ARHGAP24: variants seen among roughly 807,000 people sequenced by gnomAD.
ARHGAP24 encodes rho GTPase-activating protein 24.
ARHGAP24 carries 50 observed loss-of-function variants against 76.4 expected under a neutral mutation model. That is an observed-to-expected ratio of 0.65 (90% CI 0.52 to 0.83). The LOEUF (loss-of-function observed/expected upper bound fraction) is 0.83. Ranked by LOEUF, ARHGAP24 falls within the 40% of genes least tolerant of loss-of-function variation. ARHGAP24 has a pLI of 0.00. For missense variants in ARHGAP24, 930 were observed against 914.2 expected (o/e 1.02, Z -0.22); for synonymous variants, 345 against 323.3 (o/e 1.07, Z -0.72).
chr4:85,689,608 C>T (rs1031312944), intron 2 of ARHGAP24, among the ~76,000 whole-genome samples: 1 of 152,090 alleles, frequency 6.6e-6, no homozygotes, highest in African/African-American at 2.4e-5. Context: ...AGGCTAGTCT[C>T]GAACTTCTGA....
In ARHGAP24 at chr4:85,537,222, C is replaced by T. The variant is rs542105849; in HGVS notation, c.-20-33300C>T. On this transcript the variant is annotated intron_variant, in intron 1 of 9. Transcript: ENST00000395184. ...GGCTGTACACGAAGGAATTATAAGACACGATTCTTGACCTTGAGAGGTTTT... is the reference window on the plus strand; with the variant it reads ...GGCTGTACACGAAGGAATTATAAGATACGATTCTTGACCTTGAGAGGTTTT... Among the ~76,000 whole-genome samples the T allele has an allele frequency of 7.9e-5, 12 of 152,234 alleles. No individual in the cohort carries two copies. In the South Asian group the frequency reaches 2.5e-3, roughly 32 times the overall value.
intron 3 of ARHGAP24, among the ~76,000 whole-genome samples, chr4:85,803,524 C>A (rs372734734): frequency 1.3e-5 from 2 of 152,144 alleles, no homozygotes; most frequent in Admixed American, 6.5e-5. Flanking sequence ...TTTTGCTATT[C>A]CTTTCTTTAA....
intron 2 of ARHGAP24, among the ~76,000 whole-genome samples, chr4:85,694,331 G>C (rs1276745814): frequency 6.6e-6 from 1 of 151,878 alleles, no homozygotes; most frequent in Non-Finnish European, 1.5e-5. Context: ...TCAGCTAGGT[G>C]GTGCCGGAAG....
intron 2 of ARHGAP24, among the ~76,000 whole-genome samples, chr4:85,641,136 A>C (rs1346781620): frequency 6.6e-6 from 1 of 152,100 alleles, no homozygotes; most frequent in East Asian, 1.9e-4. Context: ...TCACGCTATC[A>C]CTCAGGCTAG....
At chr4:85,690,830 A>G (rs913137555) in intron 2 of ARHGAP24, among the ~76,000 whole-genome samples, 2 of 149,602 alleles carry the variant, frequency 1.3e-5, no homozygotes, top group African/African-American at 2.5e-5. Flanking sequence ...TTGCATCTCA[A>G]TTTTGCTCAG....
At chr4:85,975,021 T>C (rs1176816508) in intron 7 of ARHGAP24, 60 bp downstream of exon 7, 3 of 1,474,534 alleles carry the variant, frequency 2.0e-6, no homozygotes, top group Admixed American at 3.3e-5. Flanking sequence ...CTGATACTAA[T>C]TTGTGTTTGA....
intron 3 of ARHGAP24, among the ~76,000 whole-genome samples, chr4:85,915,594 C>A (rs1218158689): frequency 2.0e-5 from 3 of 151,958 alleles, no homozygotes; most frequent in Non-Finnish European, 4.4e-5. Context: ...CAATAAGCCC[C>A]AGTGTGTGAT....
intron 8 of ARHGAP24, among the ~76,000 whole-genome samples, chr4:85,986,867 C>G (rs1185302231): frequency 6.6e-6 from 1 of 151,960 alleles, no homozygotes; most frequent in Non-Finnish European, 1.5e-5. Flanking sequence ...AAGGTATTAC[C>G]TTAGTGCTAA....
intron 2 of ARHGAP24, among the ~76,000 whole-genome samples, chr4:85,587,068 TA>T (rs1727890700): frequency 2.0e-5 from 3 of 152,126 alleles, no homozygotes; most frequent in Admixed American, 1.3e-4. Context: ...CTCAAAATGG[TA>T]GATTGATGAA....
chr4:85,737,250 A>T (rs1725639960), intron 3 of ARHGAP24, among the ~76,000 whole-genome samples: 1 of 152,116 alleles, frequency 6.6e-6, no homozygotes, highest in Admixed American at 6.5e-5. Flanking sequence ...CAAATGTAAA[A>T]TTCACCCATT....
chr4:85,815,416 GC>G (rs1729195697), intron 3 of ARHGAP24, among the ~76,000 whole-genome samples: 1 of 152,136 alleles, frequency 6.6e-6, no homozygotes, highest in Admixed American at 6.5e-5. Flanking sequence ...CCTCTTGAAT[GC>G]TTTGCTGCTT....
At chr4:85,636,148 C>T (rs1055883902) in intron 2 of ARHGAP24, among the ~76,000 whole-genome samples, 5 of 151,822 alleles carry the variant, frequency 3.3e-5, no homozygotes, top group African/African-American at 1.2e-4. Flanking sequence ...GACCTTCACT[C>T]TTCCTTCTTT....
chr4:85,951,584 G>C (rs1737619767), intron 5 of ARHGAP24, among the ~76,000 whole-genome samples: 1 of 152,066 alleles, frequency 6.6e-6, no homozygotes, highest in Non-Finnish European at 1.5e-5. Flanking sequence ...GGATCCGTTT[G>C]GGGTCCATAG....
chr4:85,919,172 C>G (rs542354351), intron 3 of ARHGAP24, among the ~76,000 whole-genome samples: 1 of 152,192 alleles, frequency 6.6e-6, no homozygotes, highest in South Asian at 2.1e-4. Context: ...ATTTTTTATT[C>G]GAAATGGTTA....
chr4:85,525,098 T>C (rs1724928016), intron 1 of ARHGAP24, among the ~76,000 whole-genome samples: 1 of 152,146 alleles, frequency 6.6e-6, no homozygotes, highest in Non-Finnish European at 1.5e-5. Context: ...GGGTTTCATC[T>C]GCATCTATAT....
At chr4:85,861,451 C>T (rs913647374) in intron 3 of ARHGAP24, among the ~76,000 whole-genome samples, 2 of 152,048 alleles carry the variant, frequency 1.3e-5, no homozygotes, top group East Asian at 3.9e-4. Context: ...ACTTCTTTGG[C>T]CCAGCAATCT....
At chr4:85,705,769 G>A (rs1335337021) in intron 2 of ARHGAP24, among the ~76,000 whole-genome samples, 3 of 152,138 alleles carry the variant, frequency 2.0e-5, no homozygotes, top group Admixed American at 6.6e-5. Context: ...TTTGACTCTA[G>A]AATTCATGTT....
chr4:85,779,099 T>G (rs2110082860), intron 3 of ARHGAP24: 1 of 632,756 alleles, frequency 1.6e-6, no homozygotes, highest in East Asian at 1.4e-4. Flanking sequence ...ATATTTTAGC[T>G]TTTTAACTGT....
intron 1 of ARHGAP24, among the ~76,000 whole-genome samples, chr4:85,515,901 C>T (rs752697384): frequency 3.3e-4 from 50 of 152,280 alleles, no homozygotes; most frequent in African/African-American, 9.1e-4. Context: ...CCCATCAATA[C>T]GTAACAGTGT....
Sources: gnomAD v4.1 joint callset for allele counts (sites outside exome capture counted in the v4.1 genomes callset) on GRCh38, gnomAD v4.1.1 for gene constraint, MANE v1.5 for transcripts, NCBI Gene and HGNC (gene_info 2026-07-23, HGNC 2026-07-21) for gene names.